Variants in C1orf159 observed in about 807,000 individuals in gnomAD.
The protein encoded by C1orf159 is uncharacterized protein C1orf159.
In C1orf159, 19 loss-of-function variants were observed where a neutral mutation model predicts 25.6. That is an observed-to-expected ratio of 0.74 (90% confidence interval 0.52 to 1.09). The LOEUF is 1.09. C1orf159 is among the 50% of genes least tolerant of loss of function. The pLI is 0.00. For synonymous variants in C1orf159, 139 were observed against 124.7 expected (o/e 1.12, Z -0.77); for missense variants, 274 against 290.6 (o/e 0.94, Z 0.42).
rs543751107 is a variant in C1orf159 at position 1,086,074 on chromosome 1, C to T, written c.311-62G>A. 648 of 1,583,784 alleles carry T rather than the reference C, an allele frequency of 4.1e-4. 2 individuals are homozygous for T. The highest frequency in any genetic ancestry group is 5.3e-4 in the Non-Finnish European group (618 of 1,164,074). On this transcript the variant is annotated intron_variant, in intron 6 of 9. Transcript: ENST00000421241. ...GTGGCCCTGGCTCCTCGCCTGGCCC[C>T]CGGTGCCCCCTGCACATGGCAGATG...
intron 1 of C1orf159, chr1:1,106,983 G>A (rs984632426): frequency 6.6e-6 from 1 of 152,588 alleles, no homozygotes; most frequent in Non-Finnish European, 1.5e-5. Context: ...TTCTTGCCGG[G>A]CCTCAGCTGC....
At chr1:1,083,152 C>T (rs1211165851) in intron 9 of C1orf159, 165 bp from the exon 10 acceptor site, 4 of 571,378 alleles carry the variant, frequency 7.0e-6, no homozygotes, top group African/African-American at 3.9e-5. Flanking sequence ...GCCCCTAAGG[C>T]GCCCTCAGAG....
chr1:1,083,585 C>T (rs1257763631), intron 9 of C1orf159: 3 of 324,442 alleles, frequency 9.2e-6, no homozygotes, highest in Admixed American at 4.7e-5. Context: ...CCTCGGGAAG[C>T]GTGTGGCCTT....
intron 4 of C1orf159, 42 bp downstream of exon 4, chr1:1,090,311 T>G (rs1331815146): frequency 1.3e-6 from 2 of 1,541,440 alleles, no homozygotes; most frequent in East Asian, 2.4e-5. Flanking sequence ...CACCAGTGGC[T>G]CAGGGGCCGG....
At chr1:1,097,395 G>A (rs1000653408) in intron 1 of C1orf159, among the ~76,000 whole-genome samples, 3 of 150,778 alleles carry the variant, frequency 2.0e-5, no homozygotes, top group Non-Finnish European at 3.0e-5. Flanking sequence ...GTGAGCCACC[G>A]TGCTTGGCCT....
At chr1:1,091,630 C>T (rs1645938137) in intron 2 of C1orf159, 65 bp from the exon 3 acceptor site, 3 of 1,201,338 alleles carry the variant, frequency 2.5e-6, no homozygotes, top group African/African-American at 3.0e-5. Context: ...GTGGGTGGGG[C>T]CAAATGAAAG....
chr1:1,085,873 G>A lies in C1orf159; in HGVS notation c.445+5C>T, dbSNP rs1200477762. 1 of 1,613,024 alleles carries A rather than the reference G, an allele frequency of 6.2e-7. No homozygotes were observed. Among genetic ancestry groups the A allele is most frequent in the Admixed American group, 1.7e-5 (1 of 60,008 alleles). On this transcript the variant is annotated splice_donor_5th_base_variant and intron_variant, in intron 7 of 9. Coordinates refer to ENST00000421241, the MANE Select transcript of C1orf159 (RefSeq NM_017891.5). ...CCGTGGGGCAGGTGCTGGTCCGGGA[G>A]ATACCTTTGTTTCTTCTGTAGCAGG...
At chr1:1,088,882 T>G (rs895234264) in intron 4 of C1orf159, among the ~76,000 whole-genome samples, 2 of 152,074 alleles carry the variant, frequency 1.3e-5, no homozygotes, top group Non-Finnish European at 2.9e-5. Flanking sequence ...AGAATGGAAG[T>G]CCACCCGCTC....
At chr1:1,106,711 C>G (rs1022007510) in intron 1 of C1orf159, 2 of 152,996 alleles carry the variant, frequency 1.3e-5, no homozygotes, top group African/African-American at 4.8e-5. Flanking sequence ...CTCCAGCCCA[C>G]CGCTGCACTG....
intron 1 of C1orf159, among the ~76,000 whole-genome samples, chr1:1,115,410 GT>G (rs1281300734): frequency 6.6e-6 from 1 of 152,084 alleles, no homozygotes; most frequent in African/African-American, 2.4e-5. Flanking sequence ...GACCGCGCCG[GT>G]GCCCCCACTC....
In C1orf159 at chr1:1,104,177, C is replaced by T. The variant is rs543478122; in HGVS notation, c.-136+11883G>A. 7.9e-5 allele frequency among the ~76,000 whole-genome samples: 12 copies of T among 152,014 alleles called. No individual in the cohort carries two copies. In the South Asian group the frequency reaches 2.3e-3, roughly 29 times the overall value. On this transcript the variant is annotated intron_variant, in intron 1 of 9. Coordinates refer to ENST00000421241, the MANE Select transcript of C1orf159 (RefSeq NM_017891.5). ...TAATTTTTTGTATTTTTAGTAGAGA[C>T]GGGGTTTCAGCATGTTGGCCAGGCT...
intron 1 of C1orf159, among the ~76,000 whole-genome samples, chr1:1,100,353 G>A (rs1022120855): frequency 1.3e-5 from 2 of 152,102 alleles, no homozygotes; most frequent in Admixed American, 6.6e-5. Flanking sequence ...TACACACGCT[G>A]CCCTTTATTT....
intron 3 of C1orf159, 114 bp from the exon 4 acceptor site, chr1:1,090,542 G>T: frequency 8.9e-7 from 1 of 1,120,280 alleles, no homozygotes; most frequent in Non-Finnish European, 1.3e-6. Context: ...CGCAGCTCCG[G>T]CCTCTTCTGG....
At chr1:1,098,411 T>C (rs1255750093) in intron 1 of C1orf159, among the ~76,000 whole-genome samples, 1 of 152,230 alleles carries the variant, frequency 6.6e-6, no homozygotes, top group Non-Finnish European at 1.5e-5. Flanking sequence ...GAGTTCTTCT[T>C]TGACCCATGG....
rs1646246647 is a variant in C1orf159 at position 1,110,762 on chromosome 1, AGAGACGAC to A, written c.-136+5290_-136+5297del. ...AGCGGAAACCCACCCGGGCGCCCTC[AGAGACGAC>A]GAGCACGCAACAGCGCATCCCACAC... On this transcript the variant is annotated intron_variant, in intron 1 of 9. Transcript: ENST00000421241. The surrounding 1 kb of genome is among the most constrained non-coding windows in gnomAD (Gnocchi z 4.8). Among the ~76,000 whole-genome samples, 1 of 152,230 alleles carries A rather than the reference AGAGACGAC, an allele frequency of 6.6e-6. No homozygotes were observed.
intron 1 of C1orf159, among the ~76,000 whole-genome samples, chr1:1,093,423 G>C (rs528382227): frequency 2.0e-5 from 3 of 152,184 alleles, no homozygotes; most frequent in Non-Finnish European, 4.4e-5. Context: ...GTACACAAGC[G>C]GGTGAGTGTG....
chr1:1,106,484 A>G (rs1295807696), intron 1 of C1orf159, among the ~76,000 whole-genome samples: 1 of 152,234 alleles, frequency 6.6e-6, no homozygotes, highest in Non-Finnish European at 1.5e-5. Flanking sequence ...AAAATTAAAC[A>G]CAGAATTACT....
chr1:1,092,083 C>G lies in C1orf159; in HGVS notation c.-115G>C. 1 of 443,930 alleles carries G rather than the reference C, an allele frequency of 2.3e-6. No homozygotes were observed. 27.5% of individuals were successfully genotyped at this position (443,930 alleles called of 1,614,324 possible). ...TGGGAGCTCATGGGCTCAGCTGAGC[C>G]CTGCAGACCCCGGCCCAGTCCTGCA... is the stretch of plus-strand genomic sequence containing the variant. On this transcript the variant is annotated 5_prime_UTR_variant, in exon 2 of 10. Transcript: ENST00000421241.
At chr1:1,083,572 GA>G (rs1490530593) in intron 9 of C1orf159, 1 of 294,662 alleles carries the variant, frequency 3.4e-6, no homozygotes, top group Non-Finnish European at 6.4e-6. Flanking sequence ...GTCCTCCCCG[GA>G]GCCTCGGGAA....
Sources: allele counts gnomAD v4.1 joint callset (sites outside exome capture counted in the v4.1 genomes callset), GRCh38; gene constraint gnomAD v4.1.1; non-coding constraint Gnocchi (gnomAD v3.1); transcripts MANE v1.5; gene names NCBI Gene and HGNC (gene_info 2026-07-23, HGNC 2026-07-21).